KIAA1328: variants seen among roughly 807,000 people sequenced by gnomAD.
KIAA1328 encodes the protein protein hinderin.
KIAA1328 carries 52 observed loss-of-function variants against 68.1 expected under a neutral mutation model. That is an observed-to-expected ratio of 0.76 (90% confidence interval 0.61 to 0.96). The LOEUF is 0.96. Among genes scored for constraint, KIAA1328 ranks in the 40% least tolerant of loss-of-function variants. The probability of loss-of-function intolerance (pLI) is 0.00; values close to 1 mark genes in which losing one functional copy is unlikely to be tolerated. For missense variants in KIAA1328, 641 were observed against 677.6 expected, an observed-to-expected ratio of 0.95 and a Z score of 0.60; for synonymous variants, 232 against 239.4, an observed-to-expected ratio of 0.97 and a Z score of 0.28.
intron 6 of KIAA1328, among the ~76,000 whole-genome samples, chr18:37,053,217 C>T (rs554235646): frequency 4.6e-5 from 7 of 152,090 alleles, no homozygotes; most frequent in Non-Finnish European, 8.8e-5. Context: ...TCAAAGTCAA[C>T]AAAGGTACAC....
chr18:37,072,095 GT>G (rs2056554675), intron 7 of KIAA1328, among the ~76,000 whole-genome samples: 1 of 152,104 alleles, frequency 6.6e-6, no homozygotes, highest in East Asian at 1.9e-4. Flanking sequence ...ATTTATCTGT[GT>G]TTCTATTTTT....
chr18:36,973,647 T>C (rs955871082), intron 6 of KIAA1328, among the ~76,000 whole-genome samples: 1 of 152,102 alleles, frequency 6.6e-6, no homozygotes, highest in Non-Finnish European at 1.5e-5. Flanking sequence ...CTAAATTGAA[T>C]AATAATAAAT....
intron 8 of KIAA1328, among the ~76,000 whole-genome samples, chr18:37,164,047 T>A (rs2059336493): frequency 6.6e-6 from 1 of 152,238 alleles, no homozygotes. Context: ...TATTGTCACC[T>A]AAACCAGAGG....
intron 4 of KIAA1328, among the ~76,000 whole-genome samples, chr18:36,857,253 C>A (rs111627335): frequency 1.2e-3 from 180 of 152,268 alleles, no homozygotes; most frequent in African/African-American, 4.2e-3. Context: ...CAAATAGGTT[C>A]TTTTTTATTC....
At chr18:37,084,841 C>CT (rs1038934765) in intron 7 of KIAA1328, among the ~76,000 whole-genome samples, 3 of 152,164 alleles carry the variant, frequency 2.0e-5, no homozygotes, top group African/African-American at 7.2e-5. Flanking sequence ...CATTGCCAAA[C>CT]TGTTTTGTGT....
chr18:36,891,845 A>G (rs116140749), intron 5 of KIAA1328, among the ~76,000 whole-genome samples: 16 of 152,310 alleles, frequency 1.1e-4, no homozygotes, highest in African/African-American at 3.8e-4. Flanking sequence ...TGCTGGATCA[A>G]ATATTCATTT....
At chr18:37,065,781 T>C (rs1021963266) in intron 6 of KIAA1328, among the ~76,000 whole-genome samples, 1 of 152,218 alleles carries the variant, frequency 6.6e-6, no homozygotes, top group African/African-American at 2.4e-5. Context: ...ATGCAACATT[T>C]ACATTAAACT....
chr18:36,989,747 T>C (rs966872421), intron 6 of KIAA1328, among the ~76,000 whole-genome samples: 2 of 152,082 alleles, frequency 1.3e-5, no homozygotes, highest in Non-Finnish European at 2.9e-5. Context: ...CAGGCTGGAG[T>C]GCAGTGGCAC....
intron 9 of KIAA1328, among the ~76,000 whole-genome samples, chr18:37,186,403 T>TA (rs930717956): frequency 2.0e-5 from 3 of 151,620 alleles, no homozygotes; most frequent in African/African-American, 7.3e-5. Context: ...TTGTTGCTAC[T>TA]AAAAATTTAA....
intron 7 of KIAA1328, among the ~76,000 whole-genome samples, chr18:37,103,340 G>T (rs1177421579): frequency 2.6e-5 from 4 of 152,112 alleles, no homozygotes; most frequent in Non-Finnish European, 4.4e-5. Context: ...GGAGAACCCA[G>T]AAATAAATCT....
intron 7 of KIAA1328, among the ~76,000 whole-genome samples, chr18:37,110,362 T>G (rs1056185444): frequency 6.6e-5 from 10 of 152,234 alleles, no homozygotes; most frequent in African/African-American, 2.4e-4. Flanking sequence ...CAAAAGTATT[T>G]TATCAAAGCA....
At chr18:36,920,251 TTCATTC>T (rs576471127) in intron 5 of KIAA1328, among the ~76,000 whole-genome samples, 44 of 152,302 alleles carry the variant, frequency 2.9e-4, no homozygotes, top group African/African-American at 1.0e-3. Flanking sequence ...GGGGCCTAGG[TTCATTC>T]TCCTGCATGT....
At chr18:37,206,644 T>G (rs1489306787) in intron 9 of KIAA1328, among the ~76,000 whole-genome samples, 1 of 152,178 alleles carries the variant, frequency 6.6e-6, no homozygotes, top group African/African-American at 2.4e-5. Context: ...TTGTTGTAGT[T>G]GCAAATTCAT....
chr18:36,859,267 A>T (rs2047479490), intron 4 of KIAA1328, among the ~76,000 whole-genome samples: 1 of 148,246 alleles, frequency 6.7e-6, no homozygotes, highest in African/African-American at 2.5e-5. Context: ...TTATTTTTTA[A>T]TTTTCTTTCA....
intron 4 of KIAA1328, among the ~76,000 whole-genome samples, chr18:36,851,567 T>A (rs2047212969): frequency 6.6e-6 from 1 of 152,188 alleles, no homozygotes; most frequent in Admixed American, 6.5e-5. Context: ...GTCCATTTTA[T>A]CTAGGTTATC....
chr18:37,114,848 A>G (rs1311634181), intron 7 of KIAA1328, among the ~76,000 whole-genome samples: 1 of 152,226 alleles, frequency 6.6e-6, no homozygotes, highest in African/African-American at 2.4e-5. Flanking sequence ...CACTGACTCT[A>G]CAGAAATACA....
At chr18:36,925,563 A>C (rs1449036750) in intron 5 of KIAA1328, among the ~76,000 whole-genome samples, 1 of 149,690 alleles carries the variant, frequency 6.7e-6, no homozygotes. Flanking sequence ...TTGAGATGGG[A>C]TCTCACTCTG....
intron 7 of KIAA1328, chr18:37,084,073 T>C: frequency 1.9e-6 from 2 of 1,053,570 alleles, no homozygotes; most frequent in Non-Finnish European, 2.5e-6. Flanking sequence ...AATTTATCAT[T>C]CAGGTTATCA....
Position 36,930,052 on chromosome 18 carries a change from A to G in KIAA1328, c.449-29256A>G, listed in dbSNP as rs145274446. Among the ~76,000 whole-genome samples the G allele has an allele frequency of 9.2e-5, 14 of 152,204 alleles. No homozygotes were observed. The East Asian group carries it at 2.5e-3, about 27-fold the overall frequency. On this transcript the variant is annotated intron_variant, in intron 5 of 9. Transcript: ENST00000280020. ...CTCTCAGGCCTGTTGTCCTACCTTC[A>G]TTATTTCTTGTAAGCCACTGGTAGA...
Sources: allele counts gnomAD v4.1 joint callset (sites outside exome capture counted in the v4.1 genomes callset), GRCh38; gene constraint gnomAD v4.1.1; transcripts MANE v1.5; gene names NCBI Gene and HGNC (gene_info 2026-07-23, HGNC 2026-07-21).